Variants in CHRM2 observed in about 807,000 individuals in gnomAD.
CHRM2 encodes the protein muscarinic acetylcholine receptor M2.
Under a neutral mutation model 25.0 loss-of-function variants are expected in CHRM2, and 8 were observed. The ratio of observed to expected loss-of-function variants is 0.32; its 90% CI spans 0.19 to 0.58. The LOEUF (loss-of-function observed/expected upper bound fraction) is 0.58. Ranked by LOEUF, CHRM2 falls within the 20% of genes least tolerant of loss-of-function variation. The pLI, the probability that CHRM2 is intolerant of heterozygous loss-of-function variation, is 0.88. For synonymous variants in CHRM2, 202 were observed against 205.7 expected (o/e 0.98, Z 0.15); for missense variants, 440 against 567.1 (o/e 0.78, Z 2.28).
intron 2 of CHRM2, among the ~76,000 whole-genome samples, chr7:136,990,619 T>C (rs1309279418): frequency 3.3e-5 from 5 of 152,188 alleles, no homozygotes; most frequent in African/African-American, 9.6e-5. Context: ...ATTCACCTAC[T>C]GAAGGATATC....
At chr7:136,933,256 A>G (rs1799217692) in intron 2 of CHRM2, among the ~76,000 whole-genome samples, 1 of 152,208 alleles carries the variant, frequency 6.6e-6, no homozygotes, top group Non-Finnish European at 1.5e-5. Context: ...AGATGGGCAA[A>G]TGATCGGAAC....
At chr7:136,918,654 G>C (rs1798255731) in intron 2 of CHRM2, among the ~76,000 whole-genome samples, 2 of 152,004 alleles carry the variant, frequency 1.3e-5, no homozygotes, top group African/African-American at 4.8e-5. Flanking sequence ...TCAAACTCCT[G>C]GGCTCAAGTG....
intron 2 of CHRM2, among the ~76,000 whole-genome samples, chr7:136,972,071 C>T (rs891255623): frequency 1.3e-4 from 20 of 151,498 alleles, no homozygotes; most frequent in Admixed American, 3.3e-4. Flanking sequence ...TTGGACATTA[C>T]GTATACTGAG....
At chr7:136,919,940 C>CT (rs1223275564) in intron 2 of CHRM2, among the ~76,000 whole-genome samples, 6 of 151,860 alleles carry the variant, frequency 4.0e-5, no homozygotes, top group Non-Finnish European at 5.9e-5. Flanking sequence ...GTGACGTGGT[C>CT]TTTTTTTTCC....
At chr7:136,999,891 T>C (rs944006080) in intron 3 of CHRM2, among the ~76,000 whole-genome samples, 1 of 152,144 alleles carries the variant, frequency 6.6e-6, no homozygotes, top group Admixed American at 6.6e-5. Flanking sequence ...CAGTAATAAA[T>C]GGTGATGAAT....
intron 2 of CHRM2, among the ~76,000 whole-genome samples, chr7:136,948,724 C>T (rs1034446892): frequency 6.6e-6 from 1 of 152,138 alleles, no homozygotes; most frequent in South Asian, 2.1e-4. Flanking sequence ...CTTTCTTCCA[C>T]CACAGCTCCT....
Position 136,869,785 on chromosome 7 carries a change from C to G in CHRM2, c.-125+367C>G, listed in dbSNP as rs1236157557. On this transcript the variant is annotated intron_variant, in intron 2 of 3. Transcript: ENST00000680005. The surrounding 1 kb of genome is among the most constrained non-coding windows in gnomAD (Gnocchi z 4.9). ...CATTCCCTCTACTGTTGCTGACCCC[C>G]CTCCCGCCACCCACTCCAGATGCAG... 1 of 152,722 alleles carries G rather than the reference C, an allele frequency of 6.5e-6. No individual in the cohort carries two copies. The highest frequency in any genetic ancestry group is 6.5e-5 in the Admixed American group (1 of 15,290). 9.5% of individuals were successfully genotyped at this position (152,722 alleles called of 1,614,324 possible). A position where few individuals can be genotyped will look rare whatever the true frequency, so the allele number is the denominator to read the frequency against.
At chr7:136,929,231 C>G (rs570676427) in intron 2 of CHRM2, among the ~76,000 whole-genome samples, 1 of 151,610 alleles carries the variant, frequency 6.6e-6, no homozygotes, top group Non-Finnish European at 1.5e-5. Context: ...ACTTTTGGAA[C>G]CTTCTCCTTG....
chr7:136,935,122 T>G (rs987352966), intron 2 of CHRM2, among the ~76,000 whole-genome samples: 1 of 152,104 alleles, frequency 6.6e-6, no homozygotes, highest in Non-Finnish European at 1.5e-5. Context: ...AATTTAAATA[T>G]AAGAAGAGCC....
At chr7:136,876,971 G>T (rs1395327949) in intron 2 of CHRM2, among the ~76,000 whole-genome samples, 1 of 152,072 alleles carries the variant, frequency 6.6e-6, no homozygotes, top group Non-Finnish European at 1.5e-5. Flanking sequence ...CTCTTGTAAA[G>T]ACATTGAGTC....
intron 2 of CHRM2, among the ~76,000 whole-genome samples, chr7:136,880,605 A>AT: frequency 6.6e-6 from 1 of 151,770 alleles, no homozygotes; most frequent in East Asian, 1.9e-4. Flanking sequence ...TATTGAAAGA[A>AT]TTTTTTTCTT....
At position 136,872,435 on chromosome 7, in the gene CHRM2, AAAAC is replaced by A. The variant is rs1241472850; in HGVS notation, c.-125+3029_-125+3032del. On this transcript the variant is annotated intron_variant, in intron 2 of 3. Transcript: ENST00000680005. ...GCTGAGACTGTTGTCTTCATGTTAA[AAAAC>A]AAACAAACAAAAACACATATTGCTC... Among the ~76,000 whole-genome samples, 33 of 152,210 alleles carry A rather than the reference AAAAC, an allele frequency of 2.2e-4. 1 individual carries two copies. The highest frequency in any genetic ancestry group is 6.5e-5 in the Admixed American group (1 of 15,284).
chr7:136,999,399 C>G (rs1190270569), intron 3 of CHRM2, among the ~76,000 whole-genome samples: 2 of 151,952 alleles, frequency 1.3e-5, no homozygotes, highest in Non-Finnish European at 1.5e-5. Context: ...TATTTTACTT[C>G]TTTTTTTAAT....
chr7:137,012,178 A>T (rs1804870181), intron 3 of CHRM2, among the ~76,000 whole-genome samples: 1 of 152,080 alleles, frequency 6.6e-6, no homozygotes, highest in South Asian at 2.1e-4. Flanking sequence ...ATACACATAT[A>T]GCTCAACTCC....
chr7:136,939,940 TAGGTA>T (rs1799667108), intron 2 of CHRM2, among the ~76,000 whole-genome samples: 1 of 152,236 alleles, frequency 6.6e-6, no homozygotes, highest in Non-Finnish European at 1.5e-5. Context: ...AACAGCTTAC[TAGGTA>T]CGATTTTATT....
At chr7:136,901,594 G>A (rs1797210469) in intron 2 of CHRM2, among the ~76,000 whole-genome samples, 1 of 151,806 alleles carries the variant, frequency 6.6e-6, no homozygotes, top group South Asian at 2.1e-4. Flanking sequence ...AACCCAGTTT[G>A]GCCATTCCCT....
intron 2 of CHRM2, among the ~76,000 whole-genome samples, chr7:136,875,642 CT>C (rs1476162491): frequency 2.0e-5 from 3 of 152,192 alleles, no homozygotes; most frequent in Non-Finnish European, 4.4e-5. Flanking sequence ...AAATGCAAAT[CT>C]GAACATGTCG....
intron 2 of CHRM2, among the ~76,000 whole-genome samples, chr7:136,963,416 C>T (rs879682610): frequency 3.3e-5 from 5 of 152,092 alleles, no homozygotes; most frequent in Non-Finnish European, 5.9e-5. Context: ...AGCAGTAAAG[C>T]ACTGATTGCA....
intron 2 of CHRM2, among the ~76,000 whole-genome samples, chr7:136,891,390 T>C (rs900220965): frequency 3.3e-5 from 5 of 152,304 alleles, no homozygotes; most frequent in East Asian, 1.9e-4. Flanking sequence ...TTTTGAAGAA[T>C]ATTCTTAACT....
Sources: gnomAD v4.1 joint callset for allele counts (sites outside exome capture counted in the v4.1 genomes callset) on GRCh38, gnomAD v4.1.1 for gene constraint, Gnocchi (gnomAD v3.1) non-coding constraint, MANE v1.5 for transcripts, NCBI Gene and HGNC (gene_info 2026-07-23, HGNC 2026-07-21) for gene names.